The following NAA11 variants were observed in gnomAD, a reference collection of about 807,000 sequenced individuals.
NAA11 encodes N-alpha-acetyltransferase 11.
NAA11 carries 15 observed loss-of-function variants against 16.1 expected under a neutral mutation model. The ratio of observed to expected loss-of-function variants is 0.93; its 90% CI spans 0.62 to 1.44. The LOEUF (loss-of-function observed/expected upper bound fraction) is 1.44, where lower values mean the gene tolerates loss of function less well. Among genes scored for constraint, NAA11 ranks in the 40% most tolerant of loss-of-function variants. NAA11 has a pLI of 0.00. For missense variants in NAA11, 298 were observed against 291.3 expected (o/e 1.02, Z -0.17); for synonymous variants, 122 against 112.4 (o/e 1.09, Z -0.54).
At chr4:79,225,075 A>T (rs1476676594), downstream of NAA11, among the ~76,000 whole-genome samples, 2 of 152,036 alleles carry the variant, frequency 1.3e-5, no homozygotes, top group African/African-American at 4.8e-5. Context: ...AGGAAAAAAA[A>T]TAAGGAAATC....
chr4:79,170,776 T>A, the NAA11 span, among the ~76,000 whole-genome samples: 10 of 151,922 alleles, frequency 6.6e-5, no homozygotes, highest in African/African-American at 1.9e-4. Flanking sequence ...TGAATATTTT[T>A]ACATCTGTGA....
intron 2 of NAA11, among the ~76,000 whole-genome samples, chr4:79,230,817 CTCATT>C (rs1173536372): frequency 6.6e-6 from 1 of 151,890 alleles, no homozygotes; most frequent in Non-Finnish European, 1.5e-5. Context: ...AACTTTGAGA[CTCATT>C]TGGAACTGGA....
At chr4:79,158,938 A>G in the NAA11 span, among the ~76,000 whole-genome samples, 2 of 152,068 alleles carry the variant, frequency 1.3e-5, no homozygotes, top group African/African-American at 4.8e-5. Flanking sequence ...AAGTCAACTC[A>G]AGATGGACAA....
chr4:79,282,174 C>A (rs747794056), intron 2 of NAA11, among the ~76,000 whole-genome samples: 2 of 152,004 alleles, frequency 1.3e-5, no homozygotes, highest in Non-Finnish European at 2.9e-5. Context: ...GCTTGAAGAA[C>A]ACAAGTAAGG....
At chr4:79,300,175 G>A (rs151182661) in intron 1 of NAA11, among the ~76,000 whole-genome samples, 1 of 152,328 alleles carries the variant, frequency 6.6e-6, no homozygotes, top group East Asian at 1.9e-4. Flanking sequence ...TTCACTGGAT[G>A]TAGGCAATGA....
At chr4:79,262,654 T>C (rs1253220162) in intron 2 of NAA11, among the ~76,000 whole-genome samples, 1 of 152,172 alleles carries the variant, frequency 6.6e-6, no homozygotes, top group African/African-American at 2.4e-5. Flanking sequence ...TAGTAGAGTC[T>C]GTGTTCTTGA....
intron 1 of NAA11, among the ~76,000 whole-genome samples, chr4:79,324,072 G>A (rs1724183641): frequency 2.0e-5 from 3 of 150,958 alleles, no homozygotes; most frequent in African/African-American, 4.9e-5. Flanking sequence ...TCACACATTC[G>A]AAAGAGTAAA....
intron 2 of NAA11, among the ~76,000 whole-genome samples, chr4:79,237,506 A>C (rs1351403446): frequency 6.6e-6 from 1 of 152,196 alleles, no homozygotes; most frequent in African/African-American, 2.4e-5. Flanking sequence ...TATAATACAC[A>C]CCACAATATT....
chr4:79,166,193 T>C, the NAA11 span, among the ~76,000 whole-genome samples: 1 of 152,164 alleles, frequency 6.6e-6, no homozygotes, highest in Non-Finnish European at 1.5e-5. Context: ...TCATCTTAAC[T>C]TAAAATTGTA....
At chr4:79,219,337 A>G in the NAA11 span, among the ~76,000 whole-genome samples, 3,797 of 152,256 alleles carry the variant, frequency 0.025, 111 homozygotes, top group African/African-American at 0.07. Context: ...CTGACAGACT[A>G]TAACTGACCT....
intron 2 of NAA11, among the ~76,000 whole-genome samples, chr4:79,293,053 G>GT (rs1400613408): frequency 6.6e-6 from 1 of 152,002 alleles, no homozygotes; most frequent in Non-Finnish European, 1.5e-5. Context: ...AAAAAGTATA[G>GT]TTTTTTAAAG....
the NAA11 span, among the ~76,000 whole-genome samples, chr4:79,184,540 C>T: frequency 6.6e-6 from 1 of 152,130 alleles, no homozygotes; most frequent in South Asian, 2.1e-4. Flanking sequence ...GGGAATGAAA[C>T]ACTTTAGAAC....
chr4:79,181,269 T>G, the NAA11 span, among the ~76,000 whole-genome samples: 1 of 150,782 alleles, frequency 6.6e-6, no homozygotes, highest in Non-Finnish European at 1.5e-5. Flanking sequence ...TCCACTTCCC[T>G]GGTTCTCAGT....
intron 2 of NAA11, among the ~76,000 whole-genome samples, chr4:79,252,658 C>G (rs1388922836): frequency 1.3e-5 from 2 of 152,058 alleles, no homozygotes; most frequent in Non-Finnish European, 2.9e-5. Context: ...TGTTGCAGCT[C>G]TGAGGGAAGT....
chr4:79,214,586 T>G, the NAA11 span, among the ~76,000 whole-genome samples: 1 of 152,064 alleles, frequency 6.6e-6, no homozygotes, highest in South Asian at 2.1e-4. Context: ...GATCACAAGG[T>G]CAGGAGATCG....
At chr4:79,177,321 T>TTAA in the NAA11 span, among the ~76,000 whole-genome samples, 1 of 151,830 alleles carries the variant, frequency 6.6e-6, no homozygotes. Flanking sequence ...GAAGACGGTG[T>TTAA]CTCCCCTGTT....
chr4:79,175,621 G>A, the NAA11 span, among the ~76,000 whole-genome samples: 2 of 151,518 alleles, frequency 1.3e-5, no homozygotes, highest in Non-Finnish European at 2.9e-5. Flanking sequence ...AACCCATGCA[G>A]TTTTCAGCCA....
In NAA11 at chr4:79,321,773, A is replaced by G. The variant is rs974752450; in HGVS notation, c.*12+3403T>C. On this transcript the variant is annotated intron_variant, in intron 1 of 1. Transcript: ENST00000286794. ...AATTTACTTTGAAATAATAGTAATTATTAGGCTATTCAATATGCTAACACA... is the reference window on the plus strand; with the variant it reads ...AATTTACTTTGAAATAATAGTAATTGTTAGGCTATTCAATATGCTAACACA... Among the ~76,000 whole-genome samples, 10 of 152,372 alleles carry G rather than the reference A, an allele frequency of 6.6e-5. 1 individual carries two copies. The South Asian group carries it at 1.0e-3, about 16-fold the overall frequency.
chr4:79,162,635 G>A, the NAA11 span, among the ~76,000 whole-genome samples: 1 of 152,110 alleles, frequency 6.6e-6, no homozygotes. Flanking sequence ...GCACCTTTGT[G>A]TATGTTTTAC....
Sources: gnomAD v4.1 joint callset for allele counts (sites outside exome capture counted in the v4.1 genomes callset) on GRCh38, gnomAD v4.1.1 for gene constraint, MANE v1.5 for transcripts, NCBI Gene and HGNC (gene_info 2026-07-23, HGNC 2026-07-21) for gene names.